Variants in MAGI2 observed in about 807,000 individuals in gnomAD.
MAGI2 encodes the protein membrane associated guanylate kinase, WW and PDZ domain containing 2.
A neutral mutation model predicts 133.3 loss-of-function variants in MAGI2; 35 were observed. The observed-to-expected ratio is 0.26, with a 90% CI of 0.20 to 0.35. The LOEUF (loss-of-function observed/expected upper bound fraction) is 0.35, where lower values mean the gene tolerates loss of function less well. Among genes scored for constraint, MAGI2 ranks in the 10% least tolerant of loss-of-function variants. The probability of loss-of-function intolerance (pLI) is 1.00; values close to 1 mark genes in which losing one functional copy is unlikely to be tolerated. For missense variants in MAGI2, 1,636 were observed against 1,863.4 expected, an observed-to-expected ratio of 0.88 and a Z score of 2.25; for synonymous variants, 729 against 710.6, an observed-to-expected ratio of 1.03 and a Z score of -0.41.
chr7:78,802,359 T>C (rs1007379736), intron 2 of MAGI2, among the ~76,000 whole-genome samples: 19 of 152,226 alleles, frequency 1.2e-4, no homozygotes, highest in African/African-American at 4.3e-4. Flanking sequence ...TTAGGTTTTT[T>C]ATGTGCAAAG....
At chr7:78,025,492 C>T (rs904805844) in intron 21 of MAGI2, among the ~76,000 whole-genome samples, 3 of 152,036 alleles carry the variant, frequency 2.0e-5, no homozygotes, top group African/African-American at 7.3e-5. Flanking sequence ...GCATAGCCCT[C>T]GACACAAAAA....
At chr7:78,882,616 A>C (rs2151548024) in intron 2 of MAGI2, among the ~76,000 whole-genome samples, 1 of 152,226 alleles carries the variant, frequency 6.6e-6, no homozygotes, top group Non-Finnish European at 1.5e-5. Context: ...AACACTCAAC[A>C]AAACACTAAC....
intron 2 of MAGI2, among the ~76,000 whole-genome samples, chr7:78,760,439 T>C (rs1019497414): frequency 1.3e-5 from 2 of 149,656 alleles, no homozygotes; most frequent in African/African-American, 4.9e-5. Context: ...CCCAGCTCAC[T>C]TGAACCTCCA....
At chr7:79,300,176 G>A (rs774986803) in intron 1 of MAGI2, among the ~76,000 whole-genome samples, 39 of 152,342 alleles carry the variant, frequency 2.6e-4, no homozygotes, top group Middle Eastern at 3.4e-3. Flanking sequence ...TTGGAACTGC[G>A]TAATGGGCAG....
At chr7:78,334,883 T>C (rs1206736499) in intron 9 of MAGI2, among the ~76,000 whole-genome samples, 2 of 152,288 alleles carry the variant, frequency 1.3e-5, no homozygotes, top group East Asian at 1.9e-4. Flanking sequence ...TGCTAGAATA[T>C]GGAATGTCAG....
chr7:79,285,061 T>C (rs1329346521), intron 1 of MAGI2, among the ~76,000 whole-genome samples: 1 of 152,054 alleles, frequency 6.6e-6, no homozygotes, highest in Non-Finnish European at 1.5e-5. Context: ...ACCTCTACCA[T>C]GCCCATAATA....
At chr7:78,492,226 G>A (rs1231009306) in intron 5 of MAGI2, among the ~76,000 whole-genome samples, 3 of 152,142 alleles carry the variant, frequency 2.0e-5, no homozygotes, top group East Asian at 1.9e-4. Flanking sequence ...TTTATATAAA[G>A]CATTTCATTA....
chr7:78,294,621 T>G (rs189697789), intron 9 of MAGI2, among the ~76,000 whole-genome samples: 42 of 152,284 alleles, frequency 2.8e-4, no homozygotes, highest in African/African-American at 8.2e-4. Flanking sequence ...GTCTCTCTTC[T>G]TTTAACTTAC....
At chr7:78,880,218 A>T (rs571357387) in intron 2 of MAGI2, among the ~76,000 whole-genome samples, 8 of 152,202 alleles carry the variant, frequency 5.3e-5, no homozygotes, top group Non-Finnish European at 1.2e-4. Flanking sequence ...CAAGAAATAC[A>T]GAGAACAATT....
At chr7:78,023,358 T>TGTTTCCCTGCCTCCTCCTTCCC (rs1437535823) in intron 21 of MAGI2, among the ~76,000 whole-genome samples, 28 of 152,212 alleles carry the variant, frequency 1.8e-4, no homozygotes, top group Admixed American at 3.3e-4. Flanking sequence ...CCTGCCTACC[T>TGTTTCCCTGCCTCCTCCTTCCC]GTTTCCCTGC....
chr7:78,875,261 G>A (rs1377740147), intron 2 of MAGI2, among the ~76,000 whole-genome samples: 3 of 152,118 alleles, frequency 2.0e-5, no homozygotes, highest in Non-Finnish European at 4.4e-5. Flanking sequence ...TATTGATTGG[G>A]TGCATTCCAG....
At chr7:79,088,276 G>A (rs1297370521) in intron 1 of MAGI2, among the ~76,000 whole-genome samples, 1 of 152,012 alleles carries the variant, frequency 6.6e-6, no homozygotes, top group Non-Finnish European at 1.5e-5. Context: ...TGTAGTAATT[G>A]TGAATGGGAA....
At chr7:78,354,038 C>T (rs1791806376) in intron 7 of MAGI2, among the ~76,000 whole-genome samples, 1 of 152,110 alleles carries the variant, frequency 6.6e-6, no homozygotes, top group Non-Finnish European at 1.5e-5. Context: ...ACACATCAAC[C>T]AAGTAGGAAA....
At chr7:78,768,884 A>G (rs1174667476) in intron 2 of MAGI2, among the ~76,000 whole-genome samples, 2 of 152,196 alleles carry the variant, frequency 1.3e-5, no homozygotes, top group Non-Finnish European at 2.9e-5. Context: ...CTGTAGTCAC[A>G]CAATCATCCT....
chr7:78,399,953 A>G (rs1796708592), intron 6 of MAGI2, among the ~76,000 whole-genome samples: 1 of 152,134 alleles, frequency 6.6e-6, no homozygotes, highest in South Asian at 2.1e-4. Flanking sequence ...AAATAACAAA[A>G]CAATTCAAAA....
intron 9 of MAGI2, among the ~76,000 whole-genome samples, chr7:78,342,737 C>T (rs1790516991): frequency 6.6e-6 from 1 of 152,140 alleles, no homozygotes; most frequent in Non-Finnish European, 1.5e-5. Flanking sequence ...CATGTTCTTA[C>T]TCATAAGTGG....
chr7:78,567,547 G>A (rs1353328408), intron 3 of MAGI2, among the ~76,000 whole-genome samples: 3 of 152,114 alleles, frequency 2.0e-5, no homozygotes, highest in Admixed American at 1.3e-4. Context: ...AGAAATCAGA[G>A]AAAACCAATC....
intron 3 of MAGI2, among the ~76,000 whole-genome samples, chr7:78,556,016 T>C (rs1799790698): frequency 6.6e-6 from 1 of 152,156 alleles, no homozygotes; most frequent in Non-Finnish European, 1.5e-5. Flanking sequence ...CTAGTAACTA[T>C]TAAAGGCCTT....
intron 2 of MAGI2, among the ~76,000 whole-genome samples, chr7:78,814,745 C>T (rs1489495052): frequency 2.0e-5 from 3 of 152,110 alleles, no homozygotes; most frequent in African/African-American, 7.2e-5. Context: ...TTATTTGAGT[C>T]AGGGTCTCAC....
Sources: gnomAD v4.1 joint callset for allele counts (sites outside exome capture counted in the v4.1 genomes callset) on GRCh38, gnomAD v4.1.1 for gene constraint, MANE v1.5 for transcripts, NCBI Gene and HGNC (gene_info 2026-07-23, HGNC 2026-07-21) for gene names.